The following PHOSPHO1 variants were observed in gnomAD, a reference collection of about 807,000 sequenced individuals.
PHOSPHO1 encodes phosphoethanolamine/phosphocholine phosphatase.
In PHOSPHO1, 6 loss-of-function variants were observed where a neutral mutation model predicts 17.7. The ratio of observed to expected loss-of-function variants is 0.34; its 90% CI spans 0.19 to 0.67. The LOEUF (loss-of-function observed/expected upper bound fraction) is 0.67, where lower values mean the gene tolerates loss of function less well. Among genes scored for constraint, PHOSPHO1 ranks in the 30% least tolerant of loss-of-function variants. PHOSPHO1 has a pLI of 0.69. For synonymous variants in PHOSPHO1, 159 were observed against 174.6 expected (o/e 0.91, Z 0.71); for missense variants, 330 against 392.1 (o/e 0.84, Z 1.34).
Position 49,224,883 on chromosome 17 carries a change from G to C in PHOSPHO1, c.167C>G (p.Pro56Arg), listed in dbSNP as rs776769407. 1 of 1,604,238 alleles carries C rather than the reference G, an allele frequency of 6.2e-7. No individual in the cohort carries two copies. The highest frequency in any genetic ancestry group is 8.5e-7 in the Non-Finnish European group (1 of 1,176,228). ...IVRAAPGQRL[P>R]ESLRATYREG... ...GCGGTAGGTGGCTCGCAGGCTCTCCGGGAGCCGCTGGCCCGGCGCGGCGCG... is the reference window on the plus strand; with the variant it reads ...GCGGTAGGTGGCTCGCAGGCTCTCCCGGAGCCGCTGGCCCGGCGCGGCGCG... The change falls in exon 3 of 3, where the codon CCG becomes CGG. Residue 56 changes from proline (P) to arginine (R), a missense_variant. Coordinates refer to ENST00000310544, the MANE Select transcript of PHOSPHO1 (RefSeq NM_178500.4).
intron 2 of PHOSPHO1, 71 bp from the exon 3 acceptor site, chr17:49,225,075 C>T (rs1370757688): frequency 6.9e-7 from 1 of 1,445,496 alleles, no homozygotes; most frequent in Non-Finnish European, 9.0e-7. Flanking sequence ...CGGCAGGAGC[C>T]CGCCCGGGAG....
chr17:49,224,743 T>C lies in PHOSPHO1; in HGVS notation c.307A>G (p.Ser103Gly). 9 of 1,599,378 alleles carry C rather than the reference T, an allele frequency of 5.6e-6. No homozygotes were observed. Among genetic ancestry groups the C allele is most frequent in the Non-Finnish European group, 7.7e-6 (9 of 1,173,338 alleles). The change falls in exon 3 of 3, where the codon AGC becomes GGC. Residue 103 changes from serine (S) to glycine (G), a missense_variant. By Grantham distance (56) the Ser-to-Gly change is moderately conservative. Transcript: ENST00000310544. Reference protein sequence around the residue: ...YEAIPLSPGMSDLLQFVAKQG... With the variant: ...YEAIPLSPGMGDLLQFVAKQG... ...TTTGCCACAAACTGCAGCAGGTCGCTCATGCCTGGCGACAAAGGGATGGCT... is the reference window on the plus strand; with the variant it reads ...TTTGCCACAAACTGCAGCAGGTCGCCCATGCCTGGCGACAAAGGGATGGCT...
At chr17:49,228,912 A>G (rs940012015) in intron 1 of PHOSPHO1, among the ~76,000 whole-genome samples, 7 of 151,934 alleles carry the variant, frequency 4.6e-5, no homozygotes, top group African/African-American at 1.7e-4. Context: ...GTGAGCTGTA[A>G]TGGTACCACT....
intron 2 of PHOSPHO1, among the ~76,000 whole-genome samples, chr17:49,225,934 A>G (rs1266651318): frequency 6.6e-6 from 1 of 151,972 alleles, no homozygotes; most frequent in Admixed American, 6.6e-5. Context: ...GGACAGGAAG[A>G]CAGAGTAGGG....
chr17:49,225,379 T>C (rs1184321847), intron 2 of PHOSPHO1: 1 of 985,274 alleles, frequency 1.0e-6, no homozygotes, highest in African/African-American at 1.7e-5. Context: ...CTGGACTGTT[T>C]TGGAGACTTC....
At chr17:49,228,301 T>C (rs199740071) in intron 1 of PHOSPHO1, among the ~76,000 whole-genome samples, 2,752 of 85,064 alleles carry the variant, frequency 0.032, 32 homozygotes, top group African/African-American at 0.046. Context: ...TCCTTCCTCC[T>C]TCCTTCCTTC....
chr17:49,225,142 C>T, intron 2 of PHOSPHO1, 138 bp from the exon 3 acceptor site: 1 of 1,436,432 alleles, frequency 7.0e-7, no homozygotes, highest in South Asian at 1.5e-5. Flanking sequence ...CTGAGGAGGA[C>T]CCAAGTCTGG....
intron 2 of PHOSPHO1, 36 bp from the exon 3 acceptor site, chr17:49,225,040 AG>A: frequency 6.8e-7 from 1 of 1,462,540 alleles, no homozygotes; most frequent in African/African-American, 1.4e-5. Context: ...GAGGAGGAGG[AG>A]GAGGGGGCAA....
At chr17:49,225,891 G>A in intron 2 of PHOSPHO1, 1 of 1,158,912 alleles carries the variant, frequency 8.6e-7, no homozygotes, top group Non-Finnish European at 1.1e-6. Context: ...GCTGAGAGGA[G>A]GTCATTCTAG....
intron 2 of PHOSPHO1, chr17:49,225,340 AG>A (rs1236851864): frequency 1.0e-6 from 1 of 985,312 alleles, no homozygotes; most frequent in Non-Finnish European, 1.2e-6. Context: ...GCAGCTTCCA[AG>A]GATCACCACT....
In PHOSPHO1 at chr17:49,223,560, C is replaced by T. The variant is rs1277015798; in HGVS notation, c.*686G>A. 7.7e-4 allele frequency: 117 copies of T among 152,674 alleles called. 1 individual carries two copies. In the Admixed American group the frequency reaches 7.7e-3, roughly 10 times the overall value. 9.5% of individuals were successfully genotyped at this position (152,674 alleles called of 1,614,324 possible). A position where few individuals can be genotyped will look rare whatever the true frequency, so the allele number is the denominator to read the frequency against. ...TAGACGAGGCTGGGATGCAAGGAGA[C>T]ACCGTCACTCTCTGCGAGGTTACTG... On this transcript the variant is annotated 3_prime_UTR_variant, in exon 3 of 3. Coordinates refer to ENST00000310544, the MANE Select transcript of PHOSPHO1 (RefSeq NM_178500.4).
At position 49,225,014 on chromosome 17, in the gene PHOSPHO1, G is replaced by T; in HGVS notation, c.46-10C>A. On this transcript the variant is annotated splice_polypyrimidine_tract_variant and intron_variant, in intron 2 of 2. Coordinates refer to ENST00000310544, the MANE Select transcript of PHOSPHO1 (RefSeq NM_178500.4). ...CGGCCATCCTGCCGTCCTGGGAGCA[G>T]GGGGGAGAGCAGCAGGAGGAGGAGG... 1 of 1,502,202 alleles carries T rather than the reference G, an allele frequency of 6.7e-7. No homozygotes were observed. The highest frequency in any genetic ancestry group is 2.4e-5 in the East Asian group (1 of 41,206). The allele number at this position is 1,502,202 out of a possible 1,614,324, so 93.1% of individuals were successfully genotyped here.
intron 1 of PHOSPHO1, 145 bp from the exon 2 acceptor site, chr17:49,226,903 G>A (rs2043363413): frequency 1.7e-6 from 1 of 601,378 alleles, no homozygotes; most frequent in Non-Finnish European, 3.0e-6. Flanking sequence ...AATAGGCCCA[G>A]TGCCTACAAC....
In PHOSPHO1 at chr17:49,230,654, G is replaced by T. The variant is rs1453927368; in HGVS notation, c.-254C>A. On this transcript the variant is annotated 5_prime_UTR_variant, in exon 1 of 3. Transcript: ENST00000310544. ...GCTCACGAGTCCCTCCAGTCCCGAGGGACTGAGGATGATGTGCGTCTGAGC... is the reference window on the plus strand; with the variant it reads ...GCTCACGAGTCCCTCCAGTCCCGAGTGACTGAGGATGATGTGCGTCTGAGC... 6.6e-6 allele frequency: 1 copy of T among 152,448 alleles called. No individual in the cohort carries two copies. Among genetic ancestry groups the T allele is most frequent in the African/African-American group, 2.4e-5 (1 of 41,426 alleles). 9.4% of individuals were successfully genotyped at this position (152,448 alleles called of 1,614,324 possible).
At chr17:49,225,048 G>T in intron 2 of PHOSPHO1, 44 bp from the exon 3 acceptor site, 4 of 1,453,002 alleles carry the variant, frequency 2.8e-6, no homozygotes, top group Non-Finnish European at 1.8e-6. Context: ...GGAGGAGGGG[G>T]CAAGCGAGAG....
rs2043329615 is a variant in PHOSPHO1 at position 49,224,600 on chromosome 17, C to T, written c.450G>A (p.Ser150=). 1.3e-6 allele frequency: 2 copies of T among 1,571,340 alleles called. No individual in the cohort carries two copies. The highest frequency in any genetic ancestry group is 3.6e-5 in the Admixed American group (2 of 54,948). ...SLFRRILSNP[S]GPDARGLLAL... is the part of the protein sequence containing the mutation. ...CCAGCAGTCCCCGCGCATCCGGCCC[C>T]GACGGGTTGCTGAGGATGCGGCGGA... Residue 150 remains serine (S), a synonymous_variant, in exon 3 of 3, where the codon TCG becomes TCA. Transcript: ENST00000310544.
At chr17:49,228,250 T>TTC (rs977587360) in intron 1 of PHOSPHO1, among the ~76,000 whole-genome samples, 1 of 34,684 alleles carries the variant, frequency 2.9e-5, no homozygotes, top group African/African-American at 1.4e-4. Flanking sequence ...GTCTCTCTCC[T>TTC]TCCTTCCTTC....
chr17:49,228,584 A>C (rs965447735), intron 1 of PHOSPHO1, among the ~76,000 whole-genome samples: 31 of 152,152 alleles, frequency 2.0e-4, no homozygotes, highest in Non-Finnish European at 3.5e-4. Context: ...AGGTCAGAAG[A>C]TCGAGACCAT....
rs773788219 is a variant in PHOSPHO1, at chr17:49,224,902, C to A, written c.148G>T (p.Ala50Ser). Residue 50 changes from alanine (A) to serine (S), a missense_variant, in exon 3 of 3, where the codon GCG becomes TCG. Transcript: ENST00000310544. ...ENSDDSIVRA[A>S]PGQRLPESLR... Reference sequence around the variant, plus strand: ...CTCTCCGGGAGCCGCTGGCCCGGCGCGGCGCGCACGATCGAATCGTCGCTG... The same window carrying A: ...CTCTCCGGGAGCCGCTGGCCCGGCGAGGCGCGCACGATCGAATCGTCGCTG... 4 of 1,600,826 alleles carry A rather than the reference C, an allele frequency of 2.5e-6. No individual in the cohort carries two copies. In the South Asian group the frequency reaches 4.5e-5, roughly 18 times the overall value.
Sources: allele counts gnomAD v4.1 joint callset (sites outside exome capture counted in the v4.1 genomes callset), GRCh38; gene constraint gnomAD v4.1.1; transcripts MANE v1.5; gene names NCBI Gene and HGNC (gene_info 2026-07-23, HGNC 2026-07-21).